XKR6: variants seen among roughly 807,000 people sequenced by gnomAD.
XKR6 encodes the protein XK-related protein 6.
In XKR6, 22 loss-of-function variants were observed where a neutral mutation model predicts 56.7. The observed-to-expected ratio is 0.39, with a 90% CI of 0.28 to 0.55. XKR6 has a LOEUF of 0.55. Among genes scored for constraint, XKR6 ranks in the 20% least tolerant of loss-of-function variants. The pLI is 0.66. For synonymous variants in XKR6, 524 were observed against 387.8 expected (o/e 1.35, Z -4.13); for missense variants, 852 against 889.0 (o/e 0.96, Z 0.53).
At position 10,912,500 on chromosome 8, in the gene XKR6, A is replaced by ATG. The variant is rs1331533672; in HGVS notation, c.961+12132_961+12133dup. 4.6e-4 allele frequency among the ~76,000 whole-genome samples: 60 copies of ATG among 129,174 alleles called. 1 individual carries two copies. Among genetic ancestry groups the ATG allele is most frequent in the Non-Finnish European group, 8.9e-4 (54 of 60,796 alleles). The allele number at this position is 129,174 out of a possible 152,430, so 84.7% of individuals were successfully genotyped here. On this transcript the variant is annotated intron_variant, in intron 2 of 2. Coordinates refer to ENST00000416569, the MANE Select transcript of XKR6 (RefSeq NM_173683.4). ...AGAGAGAGAGAGAGACAGGGTGTGTATGTGTGTGTATATACATAGAGAGAG... is the reference window on the plus strand; with the variant it reads ...AGAGAGAGAGAGAGACAGGGTGTGTATGTGTGTGTGTATATACATAGAGAGAG...
At chr8:11,175,870 C>CT (rs540852288) in intron 1 of XKR6, among the ~76,000 whole-genome samples, 1 of 152,114 alleles carries the variant, frequency 6.6e-6, no homozygotes, top group Non-Finnish European at 1.5e-5. Context: ...CATGATCCAT[C>CT]TTTTTTTATT....
rs200696428 is a variant in XKR6 at position 11,178,610 on chromosome 8, TATATATATACACACACAA to T, written c.764+21948_764+21965del. ...TGTACTACACACACACACAAATATA[TATATATATACACACACAA>T]ATATATATATACACATACACACAAA... On this transcript the variant is annotated intron_variant, in intron 1 of 2. Coordinates refer to ENST00000416569, the MANE Select transcript of XKR6 (RefSeq NM_173683.4). 5.2e-3 allele frequency among the ~76,000 whole-genome samples: 656 copies of T among 125,888 alleles called. 3 individuals carry two copies. The highest frequency in any genetic ancestry group is 0.024 in the African/African-American group (617 of 25,796). 82.6% of individuals were successfully genotyped at this position (125,888 alleles called of 152,430 possible). A position where few individuals can be genotyped will look rare whatever the true frequency, so the allele number is the denominator to read the frequency against.
chr8:10,952,831 G>A (rs746119472), intron 1 of XKR6, among the ~76,000 whole-genome samples: 44 of 152,124 alleles, frequency 2.9e-4, no homozygotes, highest in Non-Finnish European at 5.4e-4. Context: ...TCTGTGGCCT[G>A]TTAGGAACCC....
chr8:10,944,840 C>A (rs1456564665), intron 1 of XKR6, among the ~76,000 whole-genome samples: 1 of 152,212 alleles, frequency 6.6e-6, no homozygotes, highest in Non-Finnish European at 1.5e-5. Flanking sequence ...TTTAGCCCTT[C>A]TTTCCAGCAA....
chr8:10,912,936 A>T (rs1014387819), intron 2 of XKR6, among the ~76,000 whole-genome samples: 17 of 150,868 alleles, frequency 1.1e-4, no homozygotes, highest in Middle Eastern at 7.0e-3. Context: ...TAGAGAGTGT[A>T]TATATCTATA....
chr8:10,911,575 G>T (rs191176254), intron 2 of XKR6, among the ~76,000 whole-genome samples: 216 of 145,678 alleles, frequency 1.5e-3, no homozygotes, highest in Non-Finnish European at 1.9e-3. Context: ...TATATATATA[G>T]AGAGAGAGAG....
chr8:11,151,597 C>T lies in XKR6; in HGVS notation c.764+48979G>A, dbSNP rs557147694. Reference sequence around the variant, plus strand: ...CACGCAGCACTGATAGCAGAAGCAACGGCGCAGTCTGGAAGCCTGGTGGAT... The same window carrying T: ...CACGCAGCACTGATAGCAGAAGCAATGGCGCAGTCTGGAAGCCTGGTGGAT... On this transcript the variant is annotated intron_variant, in intron 1 of 2. Coordinates refer to ENST00000416569, the MANE Select transcript of XKR6 (RefSeq NM_173683.4). Among the ~76,000 whole-genome samples, 15 of 152,246 alleles carry T rather than the reference C, an allele frequency of 9.9e-5. No individual in the cohort carries two copies. The East Asian group carries it at 1.3e-3, about 14-fold the overall frequency.
At chr8:10,999,657 C>T (rs1798194608) in intron 1 of XKR6, among the ~76,000 whole-genome samples, 1 of 152,198 alleles carries the variant, frequency 6.6e-6, no homozygotes, top group Non-Finnish European at 1.5e-5. Flanking sequence ...AAAGGATGTT[C>T]TGCAGATGTG....
At chr8:11,012,155 G>A (rs1398309871) in intron 1 of XKR6, among the ~76,000 whole-genome samples, 2 of 152,170 alleles carry the variant, frequency 1.3e-5, no homozygotes, top group South Asian at 2.1e-4. Flanking sequence ...CAGCACTGCA[G>A]AAGCTACCAC....
intron 1 of XKR6, chr8:11,111,789 A>G (rs972973030): frequency 6.6e-6 from 1 of 152,202 alleles, no homozygotes; most frequent in Non-Finnish European, 1.5e-5. Flanking sequence ...AAGTTACTAG[A>G]TATGTGAAAA....
intron 1 of XKR6, among the ~76,000 whole-genome samples, chr8:11,079,193 G>A (rs1051353799): frequency 6.6e-6 from 1 of 152,226 alleles, no homozygotes; most frequent in Non-Finnish European, 1.5e-5. Context: ...ATACCAGGGG[G>A]CAGAGCTCTG....
intron 1 of XKR6, among the ~76,000 whole-genome samples, chr8:11,159,381 G>A (rs1262720413): frequency 1.6e-4 from 24 of 152,172 alleles, no homozygotes; most frequent in Admixed American, 1.6e-3. Context: ...TGACCACAAT[G>A]CAGTCTGTTA....
chr8:11,164,770 A>T (rs905116474), intron 1 of XKR6, among the ~76,000 whole-genome samples: 31 of 152,170 alleles, frequency 2.0e-4, no homozygotes, highest in African/African-American at 7.5e-4. Flanking sequence ...CTATTTCTCA[A>T]TATCCATTTG....
intron 2 of XKR6, among the ~76,000 whole-genome samples, chr8:10,914,239 G>C (rs1478278965): frequency 6.6e-6 from 1 of 152,130 alleles, no homozygotes. Context: ...GCAAGGCAGG[G>C]GGTGGGACAG....
At chr8:11,089,971 G>A (rs569251679) in intron 1 of XKR6, among the ~76,000 whole-genome samples, 6 of 152,180 alleles carry the variant, frequency 3.9e-5, no homozygotes, top group East Asian at 1.9e-4. Context: ...GATATTCTAC[G>A]TTGTTTTGTT....
At chr8:10,983,221 G>C (rs966187880) in intron 1 of XKR6, among the ~76,000 whole-genome samples, 1 of 151,996 alleles carries the variant, frequency 6.6e-6, no homozygotes, top group African/African-American at 2.4e-5. Context: ...AAATGTAGAA[G>C]TGATAAATTC....
intron 1 of XKR6, among the ~76,000 whole-genome samples, chr8:10,985,519 C>A (rs1339560324): frequency 2.0e-5 from 3 of 151,726 alleles, no homozygotes; most frequent in African/African-American, 7.3e-5. Flanking sequence ...CACTCTACTG[C>A]CTCCCACACA....
At chr8:11,171,389 C>G (rs1802360131) in intron 1 of XKR6, among the ~76,000 whole-genome samples, 1 of 152,226 alleles carries the variant, frequency 6.6e-6, no homozygotes, top group African/African-American at 2.4e-5. Context: ...TGCCATTACT[C>G]CATGCTATAG....
chr8:10,943,933 C>T (rs973038038), intron 1 of XKR6, among the ~76,000 whole-genome samples: 3 of 152,122 alleles, frequency 2.0e-5, no homozygotes, highest in African/African-American at 4.8e-5. Context: ...TAAAGCCAGG[C>T]GGAAGTCTCC....
Sources: allele counts gnomAD v4.1 joint callset (sites outside exome capture counted in the v4.1 genomes callset), GRCh38; gene constraint gnomAD v4.1.1; transcripts MANE v1.5; gene names NCBI Gene and HGNC (gene_info 2026-07-23, HGNC 2026-07-21).